The following ERBB4 variants were observed in gnomAD, a reference collection of about 807,000 sequenced individuals.
ERBB4 encodes the protein receptor tyrosine-protein kinase erbB-4.
A neutral mutation model predicts 158.0 loss-of-function variants in ERBB4; 42 were observed. That is an observed-to-expected ratio of 0.27 (90% confidence interval 0.21 to 0.34). The LOEUF (loss-of-function observed/expected upper bound fraction) is 0.34, where lower values mean the gene tolerates loss of function less well. Ranked by LOEUF, ERBB4 falls within the 10% of genes least tolerant of loss-of-function variation. The probability of loss-of-function intolerance (pLI) is 1.00; values close to 1 mark genes in which losing one functional copy is unlikely to be tolerated. For missense variants in ERBB4, 1,333 were observed against 1,624.1 expected, an observed-to-expected ratio of 0.82 and a Z score of 3.08; for synonymous variants, 583 against 558.7, an observed-to-expected ratio of 1.04 and a Z score of -0.61.
intron 19 of ERBB4, among the ~76,000 whole-genome samples, chr2:211,595,367 A>G (rs1347755928): frequency 6.6e-6 from 1 of 152,202 alleles, no homozygotes; most frequent in Non-Finnish European, 1.5e-5. Flanking sequence ...AAACAGATGT[A>G]CTAGAAAAAA....
At chr2:212,321,563 G>A (rs747190515) in intron 1 of ERBB4, among the ~76,000 whole-genome samples, 1 of 150,460 alleles carries the variant, frequency 6.6e-6, no homozygotes, top group Non-Finnish European at 1.5e-5. Context: ...GCTGGGCATT[G>A]TGGCACATGC....
Position 211,560,262 on chromosome 2 carries a change from C to CTTTTTTTTTTTTTTTTTTTTTTTT in ERBB4, c.2487+1617_2487+1640dup, listed in dbSNP as rs769707072. 1.1e-4 allele frequency among the ~76,000 whole-genome samples: 5 copies of CTTTTTTTTTTTTTTTTTTTTTTTT among 46,312 alleles called. 2 individuals carry two copies. Among genetic ancestry groups the CTTTTTTTTTTTTTTTTTTTTTTTT allele is most frequent in the African/African-American group, 2.9e-4 (3 of 10,454 alleles). 30.4% of individuals were successfully genotyped at this position (46,312 alleles called of 152,430 possible). ...CAGCACTAACAAATTTGAAGCTTAG[C>CTTTTTTTTTTTTTTTTTTTTTTTT]TTTTTTTTTTTTTTTTTTTTTTTTT... On this transcript the variant is annotated intron_variant, in intron 20 of 27. Coordinates refer to ENST00000342788, the MANE Select transcript of ERBB4 (RefSeq NM_005235.3).
At chr2:211,482,235 A>C (rs563726245) in intron 20 of ERBB4, among the ~76,000 whole-genome samples, 12 of 152,216 alleles carry the variant, frequency 7.9e-5, no homozygotes, top group Non-Finnish European at 1.5e-4. Context: ...CCAGGTGAAG[A>C]ATCATCCAAA....
intron 19 of ERBB4, among the ~76,000 whole-genome samples, chr2:211,613,268 G>GT (rs774986393): frequency 2.0e-5 from 3 of 151,964 alleles, no homozygotes; most frequent in Non-Finnish European, 4.4e-5. Context: ...AAGATTTTTT[G>GT]TAAGAACATG....
At chr2:212,407,974 G>A (rs1042835753) in intron 1 of ERBB4, among the ~76,000 whole-genome samples, 2 of 151,838 alleles carry the variant, frequency 1.3e-5, no homozygotes, top group African/African-American at 4.8e-5. Flanking sequence ...AAGTACTTTC[G>A]CATGTATAGA....
At chr2:212,538,313 G>A in intron 1 of ERBB4, 136 bp downstream of exon 1, 1 of 781,846 alleles carries the variant, frequency 1.3e-6, no homozygotes, top group Non-Finnish European at 2.3e-6. Flanking sequence ...AGGGGTGACC[G>A]AAAGCCCAGG....
At chr2:212,010,197 T>C (rs1306386969) in intron 2 of ERBB4, among the ~76,000 whole-genome samples, 1 of 152,116 alleles carries the variant, frequency 6.6e-6, no homozygotes, top group African/African-American at 2.4e-5. Flanking sequence ...TATATAACCC[T>C]CTGCCTCTCC....
chr2:212,187,769 G>C (rs1366626642), intron 1 of ERBB4, among the ~76,000 whole-genome samples: 1 of 152,012 alleles, frequency 6.6e-6, no homozygotes, highest in Non-Finnish European at 1.5e-5. Context: ...TTAGAGGGTA[G>C]GAAATAATGA....
chr2:212,465,963 G>A (rs1688811390), intron 1 of ERBB4, among the ~76,000 whole-genome samples: 1 of 152,102 alleles, frequency 6.6e-6, no homozygotes. Flanking sequence ...TAAGCTCTGT[G>A]TTCTGACGGC....
intron 1 of ERBB4, among the ~76,000 whole-genome samples, chr2:212,212,456 A>C (rs1216142363): frequency 1.3e-5 from 2 of 152,128 alleles, no homozygotes; most frequent in Non-Finnish European, 2.9e-5. Context: ...CATAGACAGG[A>C]AGAATCAAAA....
intron 20 of ERBB4, among the ~76,000 whole-genome samples, chr2:211,517,899 T>C (rs561259371): frequency 1.3e-5 from 2 of 152,242 alleles, no homozygotes; most frequent in South Asian, 2.1e-4. Flanking sequence ...CTTCCTTTTA[T>C]AGTCAAGCCT....
At chr2:211,881,174 A>G (rs560684176) in intron 3 of ERBB4, among the ~76,000 whole-genome samples, 11 of 152,304 alleles carry the variant, frequency 7.2e-5, no homozygotes, top group African/African-American at 2.6e-4. Flanking sequence ...AACAAAGCAC[A>G]TAAAAGCAAT....
chr2:211,408,902 T>TAA (rs1367078495), intron 25 of ERBB4, among the ~76,000 whole-genome samples: 4 of 152,208 alleles, frequency 2.6e-5, no homozygotes, highest in African/African-American at 9.6e-5. Flanking sequence ...GTCACAAGAA[T>TAA]AAAAGTGATT....
At chr2:211,563,717 T>C (rs2067469610) in intron 19 of ERBB4, among the ~76,000 whole-genome samples, 1 of 152,182 alleles carries the variant, frequency 6.6e-6, no homozygotes, top group Non-Finnish European at 1.5e-5. Flanking sequence ...TCTTTATAGA[T>C]GAACTATCTT....
At chr2:212,149,478 A>C (rs1239109670) in intron 1 of ERBB4, among the ~76,000 whole-genome samples, 2 of 152,240 alleles carry the variant, frequency 1.3e-5, no homozygotes, top group African/African-American at 4.8e-5. Flanking sequence ...ATAATATTTG[A>C]AGGCAACAAG....
At chr2:211,736,785 A>C in intron 5 of ERBB4, among the ~76,000 whole-genome samples, 1 of 152,160 alleles carries the variant, frequency 6.6e-6, no homozygotes, top group East Asian at 1.9e-4. Context: ...GTTCAGTCTG[A>C]ATTTCTCCTA....
intron 1 of ERBB4, among the ~76,000 whole-genome samples, chr2:212,315,261 A>C (rs2087222142): frequency 6.6e-6 from 1 of 151,382 alleles, no homozygotes; most frequent in African/African-American, 2.4e-5. Flanking sequence ...AGCAAGTAAC[A>C]CATCATTTTG....
At chr2:211,577,110 G>C (rs2067915225) in intron 19 of ERBB4, among the ~76,000 whole-genome samples, 1 of 152,192 alleles carries the variant, frequency 6.6e-6, no homozygotes, top group South Asian at 2.1e-4. Flanking sequence ...ATATGTGAAA[G>C]AGTCTAGCAC....
chr2:211,876,603 A>G (rs564212053), intron 3 of ERBB4, among the ~76,000 whole-genome samples: 7 of 152,324 alleles, frequency 4.6e-5, no homozygotes. Context: ...GATTGGATTC[A>G]TGTGAAGTTC....
Sources: allele counts gnomAD v4.1 joint callset (sites outside exome capture counted in the v4.1 genomes callset), GRCh38; gene constraint gnomAD v4.1.1; transcripts MANE v1.5; gene names NCBI Gene and HGNC (gene_info 2026-07-23, HGNC 2026-07-21).